The following FAM118B variants were observed in gnomAD, a reference collection of about 807,000 sequenced individuals.
FAM118B encodes SIR2 antiphage like 1, also known as protein FAM118B.
FAM118B carries 24 observed loss-of-function variants against 38.5 expected under a neutral mutation model. The ratio of observed to expected loss-of-function variants is 0.62; its 90% confidence interval spans 0.45 to 0.88. The LOEUF is 0.88. FAM118B is among the 40% of genes least tolerant of loss of function. The pLI, the probability that FAM118B is intolerant of heterozygous loss-of-function variation, is 0.00. For missense variants in FAM118B, 334 were observed against 420.0 expected (o/e 0.80, Z 1.79); for synonymous variants, 138 against 156.3 (o/e 0.88, Z 0.87).
rs921883855 is a variant in FAM118B, at chr11:126,252,332, A to C, written c.567+1599A>C. ...TATCTGTTTTCTGACTGTTTACCCC[A>C]TAGGAATAGTAACTTCACTTGGATA... On this transcript the variant is annotated intron_variant, in intron 5 of 8. Transcript: ENST00000533050. The surrounding 1 kb of genome is among the most constrained non-coding windows in gnomAD (Gnocchi z 4.7). Among the ~76,000 whole-genome samples the C allele has an allele frequency of 6.6e-6, 1 of 152,196 alleles. No individual in the cohort carries two copies. The highest frequency in any genetic ancestry group is 2.4e-5 in the African/African-American group (1 of 41,436).
intron 7 of FAM118B, among the ~76,000 whole-genome samples, chr11:126,259,145 A>G (rs1043664535): frequency 3.3e-5 from 5 of 152,226 alleles, no homozygotes; most frequent in Non-Finnish European, 7.3e-5. Context: ...TTCATTTTGA[A>G]ACGAGTCAAC....
chr11:126,261,836 T>C (rs953798805), intron 8 of FAM118B, among the ~76,000 whole-genome samples: 1 of 152,010 alleles, frequency 6.6e-6, no homozygotes, highest in Non-Finnish European at 1.5e-5. Flanking sequence ...AAAAAAAATT[T>C]TTTTAAATTG....
intron 3 of FAM118B, among the ~76,000 whole-genome samples, chr11:126,236,180 C>A (rs1187902211): frequency 6.6e-6 from 1 of 152,202 alleles, no homozygotes; most frequent in African/African-American, 2.4e-5. Flanking sequence ...TGTATCGATT[C>A]TCTGTTTGCT....
chr11:126,242,498 C>T (rs7939861), intron 4 of FAM118B, among the ~76,000 whole-genome samples: 5 of 152,048 alleles, frequency 3.3e-5, no homozygotes, highest in African/African-American at 1.2e-4. Flanking sequence ...ATCTCATAGG[C>T]GTATAATATC....
At chr11:126,223,515 G>A (rs574059824) in intron 1 of FAM118B, among the ~76,000 whole-genome samples, 93 of 151,130 alleles carry the variant, frequency 6.2e-4, no homozygotes, top group African/African-American at 2.2e-3. Flanking sequence ...GGAGAATGGC[G>A]TCAGCCCGGG....
intron 4 of FAM118B, among the ~76,000 whole-genome samples, chr11:126,248,201 CAT>C (rs972198425): frequency 2.0e-5 from 3 of 151,046 alleles, no homozygotes; most frequent in African/African-American, 7.3e-5. Flanking sequence ...GTGATAACCT[CAT>C]ATGTGTCATT....
At chr11:126,261,589 A>C in intron 8 of FAM118B, 105 bp downstream of exon 8, 1 of 859,748 alleles carries the variant, frequency 1.2e-6, no homozygotes, top group Non-Finnish European at 1.9e-6. Flanking sequence ...ACATTGCCAA[A>C]TTTTAAAAAA....
At position 126,241,102 on chromosome 11, in the gene FAM118B, A is replaced by G. The variant is rs1364572120; in HGVS notation, c.339+58A>G. The G allele has an allele frequency of 2.0e-6, 3 of 1,493,504 alleles. No individual in the cohort carries two copies. In the Admixed American group the frequency reaches 6.7e-5, roughly 33 times the overall value. 92.5% of individuals were successfully genotyped at this position (1,493,504 alleles called of 1,614,324 possible). A position where few individuals can be genotyped will look rare whatever the true frequency, so the allele number is the denominator to read the frequency against. On this transcript the variant is annotated intron_variant, in intron 4 of 8. Coordinates refer to ENST00000533050, the MANE Select transcript of FAM118B (RefSeq NM_024556.4). ...AATTTCCTAAAATTTAACTATCACA[A>G]CTAGCATGATTTGGCTGTCAAAACT...
Position 126,244,129 on chromosome 11 carries a change from C to G in FAM118B, c.339+3085C>G, listed in dbSNP as rs541038294. 2.0e-5 allele frequency among the ~76,000 whole-genome samples: 3 copies of G among 152,274 alleles called. No individual in the cohort carries two copies. The highest frequency in any genetic ancestry group is 7.2e-5 in the African/African-American group (3 of 41,558). On this transcript the variant is annotated intron_variant, in intron 4 of 8. Coordinates refer to ENST00000533050, the MANE Select transcript of FAM118B (RefSeq NM_024556.4). The surrounding 1 kb of genome is among the most constrained non-coding windows in gnomAD (Gnocchi z 4.5). ...ATAAAGACCGTATATGAAAAACTCACAGTTAACATATTTAATGGTGAAAGA... is the reference window on the plus strand; with the variant it reads ...ATAAAGACCGTATATGAAAAACTCAGAGTTAACATATTTAATGGTGAAAGA...
Position 126,256,734 on chromosome 11 carries a change from G to C in FAM118B, c.864G>C (p.Lys288Asn). 4 of 1,614,106 alleles carry C rather than the reference G, an allele frequency of 2.5e-6. No homozygotes were observed. The highest frequency in any genetic ancestry group is 3.3e-4 in the Middle Eastern group (2 of 6,062). Reference sequence around the variant, plus strand: ...GAGGAGACGTAGATGAGTTCAAAAAGCTTCGAGAAAACATGCTGGACAAGG... The same window carrying C: ...GAGGAGACGTAGATGAGTTCAAAAACCTTCGAGAAAACATGCTGGACAAGG... ...VRRGDVDEFK[K>N]LRENMLDKGI... Residue 288 changes from lysine (K) to asparagine (N), a missense_variant, in exon 7 of 9, where the codon AAG becomes AAC. Physicochemically the swap from Lys to Asn is moderately conservative, Grantham distance 94. Coordinates refer to ENST00000533050, the MANE Select transcript of FAM118B (RefSeq NM_024556.4). This position sits in a 1 kb window ranked among gnomAD's most constrained non-coding sequence, Gnocchi z 6.6.
In FAM118B at chr11:126,250,602, C is replaced by G. The variant is rs1458162445; in HGVS notation, c.436C>G (p.Leu146Val). The change falls in exon 5 of 9, where the codon CTT (leucine) becomes GTT (valine). Residue 146 changes from leucine to valine, a missense_variant. Physicochemically the swap from Leu to Val is conservative, Grantham distance 32. Coordinates refer to ENST00000533050, the MANE Select transcript of FAM118B (RefSeq NM_024556.4). This position sits in a 1 kb window ranked among gnomAD's most constrained non-coding sequence, Gnocchi z 5.1. ...SKMEDSGKQL[L>V]QSVLHLMENG... ...GATGGAAGATTCTGGAAAACAGCTA[C>G]TTCAGTCAGTTCTCCACCTGATGGA... is the stretch of plus-strand genomic sequence containing the variant. 1.2e-6 allele frequency: 2 copies of G among 1,613,922 alleles called. No homozygotes were observed. The highest frequency in any genetic ancestry group is 2.2e-5 in the South Asian group (2 of 91,074).
At position 126,259,649 on chromosome 11, in the gene FAM118B, T is replaced by C. The variant is rs988037588; in HGVS notation, c.983-1776T>C. On this transcript the variant is annotated intron_variant, in intron 7 of 8. Transcript: ENST00000533050. Reference sequence around the variant, plus strand: ...ACCATGTTGGCCAGGATGGTCTCGGTCTCCTGACCTCATGATCCACCCGCC... The same window carrying C: ...ACCATGTTGGCCAGGATGGTCTCGGCCTCCTGACCTCATGATCCACCCGCC... 2.0e-5 allele frequency among the ~76,000 whole-genome samples: 3 copies of C among 151,566 alleles called. 1 individual carries two copies. The highest frequency in any genetic ancestry group is 4.4e-5 in the Non-Finnish European group (3 of 67,936).
intron 4 of FAM118B, among the ~76,000 whole-genome samples, chr11:126,243,030 G>A (rs911299609): frequency 2.0e-5 from 3 of 152,170 alleles, no homozygotes; most frequent in African/African-American, 7.2e-5. Flanking sequence ...GCCATTAAAA[G>A]GAATGAAGTG....
rs202117971 is a variant in FAM118B at position 126,261,387 on chromosome 11, T to G, written c.983-38T>G. 220 of 1,587,990 alleles carry G rather than the reference T, an allele frequency of 1.4e-4. No homozygotes were observed. In the African/African-American group the frequency reaches 2.7e-3, roughly 19 times the overall value. On this transcript the variant is annotated intron_variant, in intron 7 of 8. Transcript: ENST00000533050. ...CTTTTTGCTATTAATAGTTTTAGCT[T>G]TTCAGTCTAATGTCTGATGCTGATG...
At position 126,218,071 on chromosome 11, in the gene FAM118B, A is replaced by T. The variant is rs150051206; in HGVS notation, c.-77+6241A>T. On this transcript the variant is annotated intron_variant, in intron 1 of 8. Transcript: ENST00000533050. The stretch of plus-strand genomic sequence containing the variant: ...CTCACAGACGGTTTTGATTCTGGAA[A>T]TTCACGTCCTCTAGTTCCGGGATGT... Among the ~76,000 whole-genome samples the T allele has an allele frequency of 3.3e-5, 5 of 152,316 alleles. No homozygotes were observed. In the South Asian group the frequency reaches 8.3e-4, roughly 25 times the overall value.
At chr11:126,260,000 G>A (rs931310652) in intron 7 of FAM118B, among the ~76,000 whole-genome samples, 2 of 152,196 alleles carry the variant, frequency 1.3e-5, no homozygotes, top group South Asian at 2.1e-4. Flanking sequence ...GATTACAGGC[G>A]TGAGCCACTG....
intron 2 of FAM118B, 68 bp from the exon 3 acceptor site, chr11:126,234,922 TTAATA>T: frequency 8.1e-7 from 1 of 1,236,594 alleles, no homozygotes; most frequent in Non-Finnish European, 1.2e-6. Flanking sequence ...TTTAAACTGT[TTAATA>T]TATGTGCTAT....
chr11:126,235,350 C>T (rs940381526), intron 3 of FAM118B, among the ~76,000 whole-genome samples: 2 of 152,144 alleles, frequency 1.3e-5, no homozygotes, highest in African/African-American at 4.8e-5. Context: ...CTAATGTTGA[C>T]ATCCATGTTT....
rs952718489 is a variant in FAM118B, at chr11:126,255,451, T to C, written c.696+1018T>C. ...TCCATCTCTGACATTGAGTGATCCC[T>C]TAGGCAGTCATTTCTGTGTTTTTGT... is the stretch of plus-strand genomic sequence containing the variant. On this transcript the variant is annotated intron_variant, in intron 6 of 8. Transcript: ENST00000533050. This position sits in a 1 kb window ranked among gnomAD's most constrained non-coding sequence, Gnocchi z 4.6. Among the ~76,000 whole-genome samples the C allele has an allele frequency of 6.6e-6, 1 of 152,174 alleles. No individual in the cohort carries two copies. The highest frequency in any genetic ancestry group is 6.6e-5 in the Admixed American group (1 of 15,264).
Sources: allele counts gnomAD v4.1 joint callset (sites outside exome capture counted in the v4.1 genomes callset), GRCh38; gene constraint gnomAD v4.1.1; non-coding constraint Gnocchi (gnomAD v3.1); transcripts MANE v1.5; gene names NCBI Gene and HGNC (gene_info 2026-07-23, HGNC 2026-07-21).